The following CNKSR2 variants were observed in gnomAD, a reference collection of about 807,000 sequenced individuals.
CNKSR2 encodes the protein CNK homolog protein 2.
A neutral mutation model predicts 84.4 loss-of-function variants in CNKSR2; 14 were observed. The ratio of observed to expected loss-of-function variants is 0.17; its 90% confidence interval spans 0.11 to 0.26. CNKSR2 has a LOEUF of 0.26. Among genes scored for constraint, CNKSR2 ranks in the 10% least tolerant of loss-of-function variants. The pLI, the probability that CNKSR2 is intolerant of heterozygous loss-of-function variation, is 1.00. For synonymous variants in CNKSR2, 275 were observed against 277.9 expected (o/e 0.99, Z 0.10); for missense variants, 485 against 771.2 (o/e 0.63, Z 4.40).
At chrX:21,485,348 A>G (rs924574156) in intron 5 of CNKSR2, among the ~76,000 whole-genome samples, 2 of 110,994 alleles carry the variant, frequency 1.8e-5, no homozygotes, top group Non-Finnish European at 3.8e-5. Flanking sequence ...TTGAATCCCC[A>G]CATTAAAATG....
At chrX:21,606,130 A>T (rs1188594478) in intron 18 of CNKSR2, among the ~76,000 whole-genome samples, 1 of 111,685 alleles carries the variant, frequency 9.0e-6, no homozygotes, top group African/African-American at 3.3e-5. Context: ...CTACCCTTTT[A>T]AGTAGTTCTG....
At chrX:21,644,853 T>C (rs745859505) in intron 20 of CNKSR2, 16 of 112,153 alleles carry the variant, frequency 1.4e-4, no homozygotes, top group African/African-American at 4.8e-4. Flanking sequence ...AAGTTTCTGT[T>C]CGATAAAACG....
chrX:21,514,796 G>A (rs1187318276), intron 8 of CNKSR2, among the ~76,000 whole-genome samples: 3 of 111,357 alleles, frequency 2.7e-5, no homozygotes, highest in Non-Finnish European at 5.7e-5. Context: ...CTTTGTATAA[G>A]TAGTATGTTT....
intron 11 of CNKSR2, among the ~76,000 whole-genome samples, chrX:21,550,118 A>G (rs1361982233): frequency 8.9e-6 from 1 of 112,172 alleles, no homozygotes; most frequent in African/African-American, 3.2e-5. Flanking sequence ...AACTATCATC[A>G]GAGTGAACAG....
chrX:21,526,842 G>A (rs1027939182), intron 9 of CNKSR2, 25 bp from the exon 10 acceptor site: 2 of 1,170,211 alleles, frequency 1.7e-6, no homozygotes, highest in South Asian at 1.8e-5. Flanking sequence ...GTGTGCGTAT[G>A]TATTTTCTTT....
chrX:21,635,934 A>C (rs1192471599), intron 20 of CNKSR2, among the ~76,000 whole-genome samples: 1 of 111,536 alleles, frequency 9.0e-6, no homozygotes. Context: ...AGTGTTCTGA[A>C]GACATTTTTA....
At chrX:21,413,621 C>G (rs1204760846) in intron 1 of CNKSR2, among the ~76,000 whole-genome samples, 7 of 110,838 alleles carry the variant, frequency 6.3e-5, no homozygotes, top group Admixed American at 3.8e-4. Context: ...CACCTCCCCA[C>G]ACCACTAGCC....
chrX:21,541,770 T>G (rs1277429618), intron 11 of CNKSR2, among the ~76,000 whole-genome samples: 3 of 111,921 alleles, frequency 2.7e-5, no homozygotes, highest in African/African-American at 9.7e-5. Flanking sequence ...ATAAAATATT[T>G]GTTTTACAGA....
intron 5 of CNKSR2, among the ~76,000 whole-genome samples, chrX:21,483,592 A>AT (rs2091346078): frequency 1.1e-5 from 1 of 87,232 alleles, no homozygotes; most frequent in Non-Finnish European, 2.1e-5. Context: ...AAGTATAATA[A>AT]AATATATATA....
At chrX:21,433,500 T>C (rs1438559069) in intron 3 of CNKSR2, among the ~76,000 whole-genome samples, 1 of 110,972 alleles carries the variant, frequency 9.0e-6, no homozygotes, top group Non-Finnish European at 1.9e-5. Flanking sequence ...CTACTTTCAG[T>C]TTTGGAATTT....
intron 3 of CNKSR2, among the ~76,000 whole-genome samples, chrX:21,435,627 G>T (rs1274692331): frequency 9.0e-6 from 1 of 111,680 alleles, no homozygotes; most frequent in East Asian, 2.8e-4. Flanking sequence ...TCAATGCATG[G>T]TTTACTTGTC....
At chrX:21,393,554 A>G (rs1176987175) in intron 1 of CNKSR2, among the ~76,000 whole-genome samples, 1 of 112,270 alleles carries the variant, frequency 8.9e-6, no homozygotes, top group East Asian at 2.8e-4. Flanking sequence ...ATGCTTTCCA[A>G]TAATACTTTT....
chrX:21,625,464 G>T lies in CNKSR2; in HGVS notation c.2692+15847G>T, dbSNP rs140191984. Among the ~76,000 whole-genome samples the T allele has an allele frequency of 5.8e-3, 647 of 111,613 alleles. 5 individuals carry two copies. Among genetic ancestry groups the T allele is most frequent in the Non-Finnish European group, 7.7e-3 (407 of 53,073 alleles). The stretch of plus-strand genomic sequence containing the variant: ...CAGGGTGGTGAGGTTTTTTATAGTA[G>T]TTCCATCAATCTGCTTCTATCAACA... On this transcript the variant is annotated intron_variant, in intron 20 of 21. Transcript: ENST00000379510.
At chrX:21,460,065 C>T (rs1055707487) in intron 4 of CNKSR2, among the ~76,000 whole-genome samples, 2 of 111,431 alleles carry the variant, frequency 1.8e-5, no homozygotes, top group Admixed American at 1.9e-4. Context: ...AGGTTTTATC[C>T]TCAGCCGTCT....
chrX:21,488,267 GGA>G (rs2091406114), intron 5 of CNKSR2, among the ~76,000 whole-genome samples: 1 of 111,636 alleles, frequency 9.0e-6, no homozygotes, highest in African/African-American at 3.3e-5. Flanking sequence ...CAACAGAGGA[GGA>G]AAAAGCATTT....
intron 8 of CNKSR2, among the ~76,000 whole-genome samples, 185 bp from the exon 9 acceptor site, chrX:21,516,300 C>T (rs1569216683): frequency 9.0e-6 from 1 of 110,737 alleles, no homozygotes; most frequent in African/African-American, 3.3e-5. Flanking sequence ...ATGATATGGA[C>T]TAATGCAATA....
intron 20 of CNKSR2, among the ~76,000 whole-genome samples, chrX:21,638,517 G>T (rs1157574386): frequency 1.8e-5 from 2 of 111,714 alleles, no homozygotes; most frequent in African/African-American, 6.5e-5. Context: ...ATTCCATCTG[G>T]GTTCATCATT....
rs763206670 is a variant in CNKSR2, at chrX:21,433,692, A to G, written c.431+878A>G. On this transcript the variant is annotated intron_variant, in intron 3 of 21. Transcript: ENST00000379510. ...CACACACACACACACACACACACACACACGCCAGTATTACATTTTGGCATT... is the reference window on the plus strand; with the variant it reads ...CACACACACACACACACACACACACGCACGCCAGTATTACATTTTGGCATT... Among the ~76,000 whole-genome samples the G allele has an allele frequency of 8.3e-5, 9 of 108,086 alleles. No individual in the cohort carries two copies. In the South Asian group the frequency reaches 3.6e-3, roughly 44 times the overall value. 93.9% of individuals were successfully genotyped at this position (108,086 alleles called of 115,157 possible). A position where few individuals can be genotyped will look rare whatever the true frequency, so the allele number is the denominator to read the frequency against.
chrX:21,507,344 G>T (rs1237941728), intron 8 of CNKSR2, among the ~76,000 whole-genome samples: 1 of 110,595 alleles, frequency 9.0e-6, no homozygotes, highest in Non-Finnish European at 1.9e-5. Flanking sequence ...CCTAATAGTG[G>T]ACAATAAAGG....
Sources: allele counts gnomAD v4.1 joint callset (sites outside exome capture counted in the v4.1 genomes callset), GRCh38; gene constraint gnomAD v4.1.1; transcripts MANE v1.5; gene names NCBI Gene and HGNC (gene_info 2026-07-23, HGNC 2026-07-21).